The following ELOVL7 variants were observed in gnomAD, a reference collection of about 807,000 sequenced individuals.
The protein encoded by ELOVL7 is ELOVL fatty acid elongase 7, also known as very long chain fatty acid elongase 7.
Under a neutral mutation model 35.7 loss-of-function variants are expected in ELOVL7, and 27 were observed. The observed-to-expected ratio is 0.76, with a 90% confidence interval of 0.56 to 1.04. The LOEUF (loss-of-function observed/expected upper bound fraction) is 1.04. Ranked by LOEUF, ELOVL7 falls within the 50% of genes least tolerant of loss-of-function variation. The pLI, the probability that ELOVL7 is intolerant of heterozygous loss-of-function variation, is 0.00. For synonymous variants in ELOVL7, 113 were observed against 114.6 expected (o/e 0.99, Z 0.09); for missense variants, 327 against 340.8 (o/e 0.96, Z 0.32).
chr5:60,774,751 AC>A (rs1349289091), intron 3 of ELOVL7, among the ~76,000 whole-genome samples: 1 of 143,532 alleles, frequency 7.0e-6, no homozygotes, highest in Non-Finnish European at 1.5e-5. Context: ...TACCAACTCC[AC>A]CATAAAACTC....
At chr5:60,756,987 G>T (rs1028157369) in intron 8 of ELOVL7, among the ~76,000 whole-genome samples, 2 of 152,010 alleles carry the variant, frequency 1.3e-5, no homozygotes, top group African/African-American at 4.8e-5. Flanking sequence ...TTCAAACATT[G>T]CTTATATAAG....
intron 1 of ELOVL7, among the ~76,000 whole-genome samples, chr5:60,818,145 C>T (rs950761468): frequency 6.6e-6 from 1 of 151,310 alleles, no homozygotes; most frequent in African/African-American, 2.4e-5. Flanking sequence ...TGATGAAACC[C>T]TGTCTGTACT....
chr5:60,830,004 C>T (rs1746387591), intron 1 of ELOVL7, among the ~76,000 whole-genome samples: 1 of 152,166 alleles, frequency 6.6e-6, no homozygotes, highest in Non-Finnish European at 1.5e-5. Context: ...TCCTCTTTCT[C>T]CTCCCCCTGA....
intron 1 of ELOVL7, among the ~76,000 whole-genome samples, chr5:60,839,651 C>T (rs1747041375): frequency 1.3e-5 from 2 of 152,264 alleles, no homozygotes; most frequent in South Asian, 4.1e-4. Flanking sequence ...TCTGGCTATT[C>T]TCAGTTTAAC....
intron 1 of ELOVL7, among the ~76,000 whole-genome samples, chr5:60,816,997 T>C (rs1260071711): frequency 6.6e-6 from 1 of 152,214 alleles, no homozygotes; most frequent in Non-Finnish European, 1.5e-5. Context: ...AATTAAAAGT[T>C]AAATAATTGG....
chr5:60,813,256 C>A (rs1745335881), intron 1 of ELOVL7, among the ~76,000 whole-genome samples: 1 of 152,142 alleles, frequency 6.6e-6, no homozygotes, highest in Admixed American at 6.5e-5. Context: ...GCTGTTACAA[C>A]CTGACTTTTC....
At chr5:60,805,498 G>A (rs1202562058) in intron 1 of ELOVL7, among the ~76,000 whole-genome samples, 2 of 152,162 alleles carry the variant, frequency 1.3e-5, no homozygotes, top group Non-Finnish European at 2.9e-5. Context: ...AGTCATTACA[G>A]GTTTCTCAAC....
intron 3 of ELOVL7, among the ~76,000 whole-genome samples, chr5:60,773,373 A>C (rs1742715104): frequency 6.6e-6 from 1 of 152,146 alleles, no homozygotes; most frequent in Non-Finnish European, 1.5e-5. Flanking sequence ...GCACTGACAA[A>C]TTCTGAATAC....
intron 3 of ELOVL7, among the ~76,000 whole-genome samples, chr5:60,778,103 A>ATCTT (rs1301217836): frequency 6.6e-6 from 1 of 152,358 alleles, no homozygotes; most frequent in East Asian, 1.9e-4. Flanking sequence ...CATCACTGAA[A>ATCTT]TCTTTTACTG....
chr5:60,779,669 G>T (rs1337281953), intron 3 of ELOVL7, among the ~76,000 whole-genome samples: 4 of 152,302 alleles, frequency 2.6e-5, no homozygotes, highest in Middle Eastern at 3.4e-3. Context: ...GTGACGGGAG[G>T]GGCTGCTGCC....
chr5:60,789,083 G>C (rs1743771901), intron 2 of ELOVL7, among the ~76,000 whole-genome samples: 1 of 152,072 alleles, frequency 6.6e-6, no homozygotes, highest in Non-Finnish European at 1.5e-5. Context: ...ACAGAACCAT[G>C]AAATCACTAG....
intron 1 of ELOVL7, among the ~76,000 whole-genome samples, chr5:60,830,538 C>G (rs927769411): frequency 2.0e-5 from 3 of 151,770 alleles, no homozygotes; most frequent in Non-Finnish European, 4.4e-5. Flanking sequence ...GTCTTCTAAC[C>G]TCAGGTAAGG....
At chr5:60,785,754 A>G (rs1414668802) in intron 3 of ELOVL7, 1 of 152,250 alleles carries the variant, frequency 6.6e-6, no homozygotes, top group East Asian at 1.9e-4. Flanking sequence ...AAAAAAAGTT[A>G]AGAAAAGATA....
chr5:60,785,892 A>G (rs190387338), intron 3 of ELOVL7: 123 of 152,332 alleles, frequency 8.1e-4, no homozygotes, highest in African/African-American at 2.9e-3. Context: ...TTTGGTCTTT[A>G]GTAGTCTGCT....
At chr5:60,832,143 T>TAC (rs901712531) in intron 1 of ELOVL7, among the ~76,000 whole-genome samples, 36 of 152,202 alleles carry the variant, frequency 2.4e-4, no homozygotes, top group Admixed American at 2.1e-3. Context: ...AACCCAGGTC[T>TAC]GCCAGCCACC....
intron 6 of ELOVL7, among the ~76,000 whole-genome samples, chr5:60,766,291 T>C (rs749799334): frequency 6.6e-6 from 1 of 152,220 alleles, no homozygotes; most frequent in Non-Finnish European, 1.5e-5. Flanking sequence ...TTGGAGTATA[T>C]GACACAGTCA....
At chr5:60,765,089 T>C (rs1363370483) in intron 6 of ELOVL7, among the ~76,000 whole-genome samples, 2 of 152,166 alleles carry the variant, frequency 1.3e-5, no homozygotes, top group African/African-American at 2.4e-5. Context: ...ATTTGAGCAA[T>C]GTAGTTTAGG....
rs3030130 is a variant in ELOVL7 at position 60,762,299 on chromosome 5, CAAAAAAAAAA to C, written c.499+1918_499+1927del. On this transcript the variant is annotated intron_variant, in intron 7 of 8. Transcript: ENST00000508821. ...GGACAACAAGAGTGAAACTCTGCCT[CAAAAAAAAAA>C]AAAAAAAAAAAAAATTGAAGTATAT... is the stretch of plus-strand genomic sequence containing the variant. 6.3e-5 allele frequency among the ~76,000 whole-genome samples: 5 copies of C among 79,538 alleles called. No individual in the cohort carries two copies. In the East Asian group the frequency reaches 1.1e-3, roughly 17 times the overall value. The allele number at this position is 79,538 out of a possible 152,430, so 52.2% of individuals were successfully genotyped here.
rs1312229569 is a variant in ELOVL7, at chr5:60,753,650, T to A, written c.*974A>T. 1 of 152,180 alleles carries A rather than the reference T, an allele frequency of 6.6e-6. No individual in the cohort carries two copies. Among genetic ancestry groups the A allele is most frequent in the Non-Finnish European group, 1.5e-5 (1 of 68,022 alleles). 9.4% of individuals were successfully genotyped at this position (152,180 alleles called of 1,614,324 possible). A position where few individuals can be genotyped will look rare whatever the true frequency, so the allele number is the denominator to read the frequency against. On this transcript the variant is annotated 3_prime_UTR_variant, in exon 9 of 9. Coordinates refer to ENST00000508821, the MANE Select transcript of ELOVL7 (RefSeq NM_024930.3). ...TGTGTACAATGGGTAATATTATTTA[T>A]GATTTAAGGGTAGTACCTGTAGTGT...
Sources: gnomAD v4.1 joint callset for allele counts (sites outside exome capture counted in the v4.1 genomes callset) on GRCh38, gnomAD v4.1.1 for gene constraint, MANE v1.5 for transcripts, NCBI Gene and HGNC (gene_info 2026-07-23, HGNC 2026-07-21) for gene names.